The following ELMO1 variants were observed in gnomAD, a reference collection of about 807,000 sequenced individuals.
The protein encoded by ELMO1 is engulfment and cell motility protein 1.
Under a neutral mutation model 98.9 loss-of-function variants are expected in ELMO1, and 26 were observed. That is an observed-to-expected ratio of 0.26 (90% CI 0.19 to 0.36). The LOEUF (loss-of-function observed/expected upper bound fraction) is 0.36. ELMO1 is among the 10% of genes least tolerant of loss of function. The pLI is 1.00. For missense variants in ELMO1, 627 were observed against 935.2 expected, an observed-to-expected ratio of 0.67 and a Z score of 4.30; for synonymous variants, 346 against 346.0, an observed-to-expected ratio of 1.00 and a Z score of 0.00.
At chr7:37,164,892 G>A (rs1004616323) in intron 13 of ELMO1, among the ~76,000 whole-genome samples, 12 of 151,228 alleles carry the variant, frequency 7.9e-5, no homozygotes, top group East Asian at 3.9e-4. Context: ...TTGGTAGCTT[G>A]ATGGGGATGG....
chr7:37,360,421 ATT>A (rs71798014), intron 1 of ELMO1, among the ~76,000 whole-genome samples: 12 of 144,674 alleles, frequency 8.3e-5, no homozygotes, highest in South Asian at 2.2e-4. Context: ...CTTAACTGAA[ATT>A]TTAAAAAAAA....
intron 13 of ELMO1, among the ~76,000 whole-genome samples, chr7:37,164,899 A>C (rs1195103674): frequency 6.6e-6 from 1 of 151,318 alleles, no homozygotes; most frequent in Non-Finnish European, 1.5e-5. Context: ...CTTGATGGGG[A>C]TGGCATTGAA....
At chr7:36,979,866 T>A (rs1790897240) in intron 16 of ELMO1, among the ~76,000 whole-genome samples, 2 of 152,152 alleles carry the variant, frequency 1.3e-5, no homozygotes, top group African/African-American at 2.4e-5. Context: ...AAGGCCTGAG[T>A]TCCATTAGCT....
At chr7:37,279,268 A>C (rs530906869) in intron 4 of ELMO1, among the ~76,000 whole-genome samples, 3 of 152,300 alleles carry the variant, frequency 2.0e-5, no homozygotes, top group African/African-American at 7.2e-5. Flanking sequence ...AGGGCATTTC[A>C]ACTCAATGGG....
intron 21 of ELMO1, among the ~76,000 whole-genome samples, chr7:36,859,673 C>T (rs4723585): frequency 0.13 from 20,251 of 152,100 alleles, 1,581 homozygotes; most frequent in South Asian, 0.23. Context: ...GCCTCATTTC[C>T]CTCTTTTAAA....
intron 2 of ELMO1, among the ~76,000 whole-genome samples, chr7:37,334,432 G>C (rs984734361): frequency 1.3e-5 from 2 of 152,098 alleles, no homozygotes; most frequent in African/African-American, 4.8e-5. Context: ...GGCAACAAGA[G>C]CAAAACTCCA....
chr7:37,108,673 TAG>T (rs1228355858), intron 14 of ELMO1, among the ~76,000 whole-genome samples: 1 of 152,226 alleles, frequency 6.6e-6, no homozygotes, highest in Non-Finnish European at 1.5e-5. Context: ...CCTTCCCTGA[TAG>T]AGTCAACCCC....
At chr7:37,345,710 C>T (rs551022810) in intron 1 of ELMO1, among the ~76,000 whole-genome samples, 4 of 150,994 alleles carry the variant, frequency 2.6e-5, no homozygotes, top group Non-Finnish European at 4.4e-5. Flanking sequence ...CTGTCTCAAG[C>T]CGGGTGTGGT....
intron 14 of ELMO1, among the ~76,000 whole-genome samples, chr7:37,108,727 T>C (rs748701183): frequency 1.3e-5 from 2 of 152,210 alleles, no homozygotes; most frequent in Non-Finnish European, 2.9e-5. Context: ...ATCTCTGACA[T>C]TGCAGCAGAG....
chr7:37,249,928 A>C (rs572447651), intron 6 of ELMO1, among the ~76,000 whole-genome samples: 1 of 152,270 alleles, frequency 6.6e-6, no homozygotes, highest in African/African-American at 2.4e-5. Flanking sequence ...AAAAATATTT[A>C]AAAATTAGCC....
chr7:37,271,792 C>G (rs1562570976), intron 5 of ELMO1, 40 bp downstream of exon 5: 5 of 1,604,790 alleles, frequency 3.1e-6, no homozygotes, highest in Non-Finnish European at 4.3e-6. Context: ...AAACGCAGAG[C>G]AAAGAGTTTG....
At chr7:36,959,689 T>C (rs1331457631) in intron 16 of ELMO1, among the ~76,000 whole-genome samples, 3 of 152,208 alleles carry the variant, frequency 2.0e-5, no homozygotes, top group East Asian at 1.9e-4. Context: ...TAATTTTTTA[T>C]TTTTTGAGAC....
At chr7:37,126,098 G>A (rs1327032196) in intron 14 of ELMO1, among the ~76,000 whole-genome samples, 2 of 151,810 alleles carry the variant, frequency 1.3e-5, no homozygotes, top group African/African-American at 4.8e-5. Flanking sequence ...ACTGAACAAT[G>A]AGAACACTTG....
At chr7:37,403,753 C>T (rs752177903) in intron 1 of ELMO1, among the ~76,000 whole-genome samples, 11 of 152,186 alleles carry the variant, frequency 7.2e-5, no homozygotes, top group Middle Eastern at 3.4e-3. Flanking sequence ...ACTATGTTTC[C>T]CAGGCTGGTC....
At chr7:36,892,105 G>T (rs1343960324) in intron 17 of ELMO1, among the ~76,000 whole-genome samples, 1 of 152,128 alleles carries the variant, frequency 6.6e-6, no homozygotes, top group Non-Finnish European at 1.5e-5. Context: ...TATTCACATG[G>T]AGTTTACATT....
At chr7:37,069,452 C>T (rs1201323129) in intron 15 of ELMO1, among the ~76,000 whole-genome samples, 1 of 152,158 alleles carries the variant, frequency 6.6e-6, no homozygotes, top group African/African-American at 2.4e-5. Flanking sequence ...GGGGAAAAAT[C>T]CAGAACCAGA....
At chr7:37,079,205 T>C (rs188553732) in intron 15 of ELMO1, among the ~76,000 whole-genome samples, 1 of 152,216 alleles carries the variant, frequency 6.6e-6, no homozygotes, top group East Asian at 1.9e-4. Flanking sequence ...CTCCCACCAA[T>C]AAAAAAATCT....
At chr7:37,435,661 A>C (rs1043463488) in intron 1 of ELMO1, among the ~76,000 whole-genome samples, 2 of 152,218 alleles carry the variant, frequency 1.3e-5, no homozygotes, top group Non-Finnish European at 2.9e-5. Flanking sequence ...CGAGTCTCAG[A>C]CTGTTTCATT....
intron 1 of ELMO1, among the ~76,000 whole-genome samples, chr7:37,415,749 C>T (rs1054392282): frequency 1.6e-4 from 25 of 152,042 alleles, no homozygotes; most frequent in Non-Finnish European, 3.4e-4. Flanking sequence ...GGAAAAGAAA[C>T]GTGAATTAAA....
Sources: allele counts gnomAD v4.1 joint callset (sites outside exome capture counted in the v4.1 genomes callset), GRCh38; gene constraint gnomAD v4.1.1; transcripts MANE v1.5; gene names NCBI Gene and HGNC (gene_info 2026-07-23, HGNC 2026-07-21).